PIEZO2: variants seen among roughly 807,000 people sequenced by gnomAD.
The protein encoded by PIEZO2 is piezo type mechanosensitive ion channel component 2.
PIEZO2 carries 172 observed loss-of-function variants against 337.3 expected under a neutral mutation model. That is an observed-to-expected ratio of 0.51 (90% CI 0.45 to 0.58). The LOEUF (loss-of-function observed/expected upper bound fraction) is 0.58. Among genes scored for constraint, PIEZO2 ranks in the 20% least tolerant of loss-of-function variants. PIEZO2 has a pLI of 0.00. For missense variants in PIEZO2, 3,028 were observed against 3,391.3 expected (o/e 0.89, Z 2.66); for synonymous variants, 1,251 against 1,228.5 (o/e 1.02, Z -0.38).
In PIEZO2 at chr18:11,092,042, G is replaced by A. The variant is rs558188962; in HGVS notation, c.65-25820C>T. Among the ~76,000 whole-genome samples, 7 of 152,316 alleles carry A rather than the reference G, an allele frequency of 4.6e-5. No individual in the cohort carries two copies. The South Asian group carries it at 6.2e-4, about 14-fold the overall frequency. ...CAATAAAAGACTCTTTGGAGGGTGT[G>A]GCAAATGTGGTCTTTGATGCAAGGC... is the stretch of plus-strand genomic sequence containing the variant. On this transcript the variant is annotated intron_variant, in intron 1 of 55. Transcript: ENST00000674853. The surrounding 1 kb of genome is among the most constrained non-coding windows in gnomAD (Gnocchi z 4.5).
rs961862080 is a variant in PIEZO2, at chr18:10,672,868, T to C, written c.8167A>G (p.Asn2723Asp). The C allele has an allele frequency of 6.3e-7, 1 of 1,597,868 alleles. No homozygotes were observed. Among genetic ancestry groups the C allele is most frequent in the Admixed American group, 1.8e-5 (1 of 56,254 alleles). ...KPIKQLLSEN[N>D]FMDITIILSR... ...AAAATGATGGTAATATCCATGAAAT[T>C]ATTTTCTAGAAGGGTAGAAATGCAA... Residue 2723 changes from asparagine to aspartate, a missense_variant, in exon 55 of 56, where the codon AAT (asparagine) becomes GAT (aspartate). Asn to Asp is a conservative substitution (Grantham distance 23). Coordinates refer to ENST00000674853, the MANE Select transcript of PIEZO2 (RefSeq NM_001378183.1). This position sits in a 1 kb window ranked among gnomAD's most constrained non-coding sequence, Gnocchi z 4.7.
chr18:10,712,767 G>T (rs1013391980), intron 39 of PIEZO2, among the ~76,000 whole-genome samples: 3 of 152,190 alleles, frequency 2.0e-5, no homozygotes, highest in African/African-American at 4.8e-5. Context: ...CACTGAAAAA[G>T]AAAGTTTTAT....
intron 23 of PIEZO2, among the ~76,000 whole-genome samples, 177 bp from the exon 24 acceptor site, chr18:10,761,288 A>T (rs1022754824): frequency 6.6e-6 from 1 of 152,240 alleles, no homozygotes; most frequent in African/African-American, 2.4e-5. Context: ...CATTATCTAT[A>T]TTAGAAAATC....
intron 1 of PIEZO2, among the ~76,000 whole-genome samples, chr18:11,085,144 GATAA>G (rs1356599442): frequency 6.6e-6 from 1 of 152,134 alleles, no homozygotes; most frequent in Non-Finnish European, 1.5e-5. Flanking sequence ...ACTCAGAGAG[GATAA>G]ATATTTTGCC....
rs1214799873 is a variant in PIEZO2 at position 10,853,024 on chromosome 18, G to T, written c.917+2329C>A. Among the ~76,000 whole-genome samples the T allele has an allele frequency of 6.6e-6, 1 of 152,226 alleles. No homozygotes were observed. The highest frequency in any genetic ancestry group is 1.5e-5 in the Non-Finnish European group (1 of 68,038). On this transcript the variant is annotated intron_variant, in intron 7 of 55. Coordinates refer to ENST00000674853, the MANE Select transcript of PIEZO2 (RefSeq NM_001378183.1). The surrounding 1 kb of genome is among the most constrained non-coding windows in gnomAD (Gnocchi z 4.2). ...TTTCCCGATAAGACTTCAGGAGTTG[G>T]GTGAGTGGGCTCAAGCATGTGCAGT...
chr18:10,695,804 GTTA>G (rs1187126476), intron 47 of PIEZO2, among the ~76,000 whole-genome samples: 1 of 152,142 alleles, frequency 6.6e-6, no homozygotes, highest in African/African-American at 2.4e-5. Context: ...GTTTGTTCAG[GTTA>G]TTAAGGCTGT....
intron 3 of PIEZO2, among the ~76,000 whole-genome samples, chr18:10,924,926 CTT>C (rs1006224928): frequency 6.6e-6 from 1 of 152,136 alleles, no homozygotes; most frequent in Non-Finnish European, 1.5e-5. Context: ...GCCATAGACA[CTT>C]TGATAGTTAA....
At chr18:10,885,064 T>C (rs1157906328) in intron 4 of PIEZO2, among the ~76,000 whole-genome samples, 4 of 152,048 alleles carry the variant, frequency 2.6e-5, no homozygotes, top group Non-Finnish European at 5.9e-5. Context: ...GAGGCTGATA[T>C]GGAAGAAAAT....
At position 10,934,278 on chromosome 18, in the gene PIEZO2, C is replaced by T. The variant is rs560108869; in HGVS notation, c.287-23050G>A. On this transcript the variant is annotated intron_variant, in intron 3 of 55. Coordinates refer to ENST00000674853, the MANE Select transcript of PIEZO2 (RefSeq NM_001378183.1). ...TGTAATTTTCCCAGTACATGGGTGA[C>T]GAAGGGCAGGCATTGTGAGGCTTCC... Among the ~76,000 whole-genome samples, 26 of 152,198 alleles carry T rather than the reference C, an allele frequency of 1.7e-4. 1 individual carries two copies. The highest frequency in any genetic ancestry group is 3.4e-4 in the African/African-American group (14 of 41,534).
chr18:10,827,736 T>C (rs1053515755), intron 7 of PIEZO2, among the ~76,000 whole-genome samples: 1 of 152,226 alleles, frequency 6.6e-6, no homozygotes, highest in African/African-American at 2.4e-5. Flanking sequence ...CAGTTACAGA[T>C]GAAGGCAACT....
chr18:11,062,712 A>T, intron 2 of PIEZO2, among the ~76,000 whole-genome samples: 1 of 152,236 alleles, frequency 6.6e-6, no homozygotes, highest in Admixed American at 6.5e-5. Flanking sequence ...ACAATGAGAT[A>T]CCATCTTACA....
chr18:10,791,696 T>A, intron 13 of PIEZO2: 1 of 156,498 alleles, frequency 6.4e-6, no homozygotes. Context: ...AAGGAAGATG[T>A]ACTTCTTGCA....
Position 11,001,325 on chromosome 18 carries a change from A to G in PIEZO2, c.161-21665T>C, listed in dbSNP as rs1198360105. ...CAGCTAGTAGAGAAGGCCAAAAGTC[A>G]GCACATCTTGCTAGGCATGCACCAC... On this transcript the variant is annotated intron_variant, in intron 2 of 55. Transcript: ENST00000674853. The surrounding 1 kb of genome is among the most constrained non-coding windows in gnomAD (Gnocchi z 5.3). Among the ~76,000 whole-genome samples, 1 of 152,156 alleles carries G rather than the reference A, an allele frequency of 6.6e-6. No homozygotes were observed. The highest frequency in any genetic ancestry group is 6.5e-5 in the Admixed American group (1 of 15,276).
intron 3 of PIEZO2, among the ~76,000 whole-genome samples, chr18:10,912,416 C>T (rs1183792145): frequency 6.6e-6 from 1 of 152,140 alleles, no homozygotes; most frequent in Non-Finnish European, 1.5e-5. Context: ...CCACCTAGCC[C>T]TAAATTCATA....
rs748602673 is a variant in PIEZO2, at chr18:10,707,725, T to A, written c.5588+550A>T. On this transcript the variant is annotated intron_variant, in intron 40 of 55. Coordinates refer to ENST00000674853, the MANE Select transcript of PIEZO2 (RefSeq NM_001378183.1). This position sits in a 1 kb window ranked among gnomAD's most constrained non-coding sequence, Gnocchi z 4.2. ...GTTATAGGCTACAAAGATGATGCAT[T>A]CTGCTGCATAATATTCTTTTTAAAA... Among the ~76,000 whole-genome samples the A allele has an allele frequency of 1.1e-4, 17 of 152,250 alleles. No homozygotes were observed. The highest frequency in any genetic ancestry group is 2.5e-4 in the Non-Finnish European group (17 of 68,040).
At chr18:10,793,488 A>T (rs1351031391) in intron 13 of PIEZO2, among the ~76,000 whole-genome samples, 1 of 152,226 alleles carries the variant, frequency 6.6e-6, no homozygotes, top group Non-Finnish European at 1.5e-5. Context: ...TAGATTCGAC[A>T]GGAGACAATT....
chr18:10,871,340 G>A lies in PIEZO2; in HGVS notation c.405C>T (p.Thr135=). The A allele has an allele frequency of 1.3e-6, 2 of 1,537,224 alleles. No individual in the cohort carries two copies. Among genetic ancestry groups the A allele is most frequent in the Non-Finnish European group, 1.7e-6 (2 of 1,146,836 alleles). Residue 135 remains threonine (T), a synonymous_variant, in exon 5 of 56, where the codon ACC becomes ACT. Transcript: ENST00000674853. ...PDIGMFIASL[T]IWLLCRNIVQ... ...CAATGTTTCTACAGAGGAGCCAGAT[G>A]GTCAGACTAGCAATGAACATCCCGA...
At chr18:10,882,458 T>C (rs775355771) in intron 4 of PIEZO2, among the ~76,000 whole-genome samples, 1 of 152,228 alleles carries the variant, frequency 6.6e-6, no homozygotes, top group African/African-American at 2.4e-5. Context: ...AATTGACAAA[T>C]TGTATTTAGT....
chr18:10,855,218 C>T lies in PIEZO2; in HGVS notation c.917+135G>A. 1 of 743,528 alleles carries T rather than the reference C, an allele frequency of 1.3e-6. No homozygotes were observed. The highest frequency in any genetic ancestry group is 1.8e-5 in the South Asian group (1 of 56,122). The allele number at this position is 743,528 out of a possible 1,614,324, so 46.1% of individuals were successfully genotyped here. A position where few individuals can be genotyped will look rare whatever the true frequency, so the allele number is the denominator to read the frequency against. On this transcript the variant is annotated intron_variant, in intron 7 of 55. Transcript: ENST00000674853. This position sits in a 1 kb window ranked among gnomAD's most constrained non-coding sequence, Gnocchi z 4.9. ...GAAAGTGCTAGACTGCTTCACCCAC[C>T]CCCACAAAATCTTTGCTTAACACAG...
Sources: gnomAD v4.1 joint callset for allele counts (sites outside exome capture counted in the v4.1 genomes callset) on GRCh38, gnomAD v4.1.1 for gene constraint, Gnocchi (gnomAD v3.1) non-coding constraint, MANE v1.5 for transcripts, NCBI Gene and HGNC (gene_info 2026-07-23, HGNC 2026-07-21) for gene names.